The following EYA4 variants were observed in gnomAD, a reference collection of about 807,000 sequenced individuals.
EYA4 encodes the protein protein phosphatase EYA4.
In EYA4, 31 loss-of-function variants were observed where a neutral mutation model predicts 87.9. That is an observed-to-expected ratio of 0.35 (90% confidence interval 0.27 to 0.48). EYA4 has a LOEUF of 0.48. Ranked by LOEUF, EYA4 falls within the 20% of genes least tolerant of loss-of-function variation. The probability of loss-of-function intolerance (pLI) is 0.99; values close to 1 mark genes in which losing one functional copy is unlikely to be tolerated. For missense variants in EYA4, 678 were observed against 761.4 expected (o/e 0.89, Z 1.29); for synonymous variants, 263 against 270.6 (o/e 0.97, Z 0.28).
At chr6:133,471,002 G>A (rs1795287322) in intron 11 of EYA4, among the ~76,000 whole-genome samples, 1 of 84,258 alleles carries the variant, frequency 1.2e-5, no homozygotes, top group African/African-American at 4.5e-5. Flanking sequence ...CTGAGACGAT[G>A]GGGTTCTCTA....
rs9483586 is a variant in EYA4, at chr6:133,530,239, A to G, written c.*1434A>G. ...ATACATCAATGCAGGTTCTCCTCGT[A>G]ACAGACTTGCATATGTTTGTTAGTT... On this transcript the variant is annotated 3_prime_UTR_variant, in exon 20 of 20. Coordinates refer to ENST00000355286, the MANE Select transcript of EYA4 (RefSeq NM_004100.5). 721,098 of 985,096 alleles carry G rather than the reference A, an allele frequency of 0.73. 265,538 individuals carry two copies. Among genetic ancestry groups the G allele is most frequent in the African/African-American group, 0.94 (53,903 of 57,346 alleles). The allele number at this position is 985,096 out of a possible 1,614,324, so 61.0% of individuals were successfully genotyped here. A position where few individuals can be genotyped will look rare whatever the true frequency, so the allele number is the denominator to read the frequency against.
chr6:133,494,362 G>A (rs545078258), intron 13 of EYA4, among the ~76,000 whole-genome samples: 26 of 152,112 alleles, frequency 1.7e-4, no homozygotes, highest in Non-Finnish European at 2.6e-4. Context: ...GCTAAAAAAC[G>A]AACTAATGGT....
At chr6:133,511,711 C>T (rs1799153666) in intron 14 of EYA4, 1 of 152,378 alleles carries the variant, frequency 6.6e-6, no homozygotes, top group Non-Finnish European at 1.5e-5. Context: ...GTGGCTCACA[C>T]CTGTAATCCC....
At chr6:133,346,038 C>G (rs1783167849) in intron 2 of EYA4, among the ~76,000 whole-genome samples, 2 of 152,200 alleles carry the variant, frequency 1.3e-5, no homozygotes, top group South Asian at 2.1e-4. Flanking sequence ...CTTGCTCACT[C>G]CTTTCTCAGT....
chr6:133,249,301 G>T (rs557937258), intron 1 of EYA4, among the ~76,000 whole-genome samples: 1 of 152,122 alleles, frequency 6.6e-6, no homozygotes, highest in Non-Finnish European at 1.5e-5. Context: ...ACACTTGTTC[G>T]TATTAATGTT....
chr6:133,411,926 T>C (rs1357845218), intron 3 of EYA4, among the ~76,000 whole-genome samples: 1 of 152,224 alleles, frequency 6.6e-6, no homozygotes, highest in Non-Finnish European at 1.5e-5. Context: ...CCATCAAGCT[T>C]ATACCATTGA....
chr6:133,296,871 T>G (rs944696466), intron 2 of EYA4, among the ~76,000 whole-genome samples: 49 of 152,306 alleles, frequency 3.2e-4, no homozygotes, highest in African/African-American at 1.2e-3. Flanking sequence ...CTTTATCACT[T>G]GACCTGTAAA....
At chr6:133,516,622 G>T (rs1203434536) in intron 17 of EYA4, among the ~76,000 whole-genome samples, 30 of 151,640 alleles carry the variant, frequency 2.0e-4, no homozygotes, top group Admixed American at 1.7e-3. Context: ...TACTCGGGAG[G>T]CTGAGGCAGG....
intron 19 of EYA4, among the ~76,000 whole-genome samples, chr6:133,528,082 A>C (rs538424981): frequency 6.6e-6 from 1 of 152,230 alleles, no homozygotes; most frequent in Admixed American, 6.5e-5. Context: ...GTCCCTTTGG[A>C]GATATCTTCC....
At chr6:133,257,760 C>T (rs553856013) in intron 1 of EYA4, among the ~76,000 whole-genome samples, 3 of 152,260 alleles carry the variant, frequency 2.0e-5, no homozygotes, top group African/African-American at 7.2e-5. Context: ...TTCTGTTTGC[C>T]TGATTCAATC....
At position 133,266,739 on chromosome 6, in the gene EYA4, A is replaced by T. The variant is rs371089931; in HGVS notation, c.-65-7977A>T. 8.5e-5 allele frequency among the ~76,000 whole-genome samples: 13 copies of T among 152,200 alleles called. No individual in the cohort carries two copies. In the East Asian group the frequency reaches 1.7e-3, roughly 20 times the overall value. ...TAAAACAAAGCAAAAATTAAAATGG[A>T]GTCAGTTATGTACCTGAAAAATGTG... On this transcript the variant is annotated intron_variant, in intron 1 of 19. Coordinates refer to ENST00000355286, the MANE Select transcript of EYA4 (RefSeq NM_004100.5).
At chr6:133,479,511 G>A (rs1796025157) in intron 11 of EYA4, among the ~76,000 whole-genome samples, 1 of 152,104 alleles carries the variant, frequency 6.6e-6, no homozygotes, top group African/African-American at 2.4e-5. Flanking sequence ...AAAAAGTGAT[G>A]CCTAGTTTGT....
intron 3 of EYA4, among the ~76,000 whole-genome samples, chr6:133,385,442 A>G (rs111985518): frequency 1.7e-5 from 2 of 118,606 alleles, no homozygotes; most frequent in East Asian, 4.2e-4. Context: ...TGTGTGTGTG[A>G]GAGAGAGAGA....
At chr6:133,435,780 T>C (rs1156289428) in intron 3 of EYA4, among the ~76,000 whole-genome samples, 1 of 152,216 alleles carries the variant, frequency 6.6e-6, no homozygotes, top group Non-Finnish European at 1.5e-5. Flanking sequence ...GCTTTATTAC[T>C]TTTTTTATTC....
At chr6:133,483,382 A>AT (rs1007369566) in intron 13 of EYA4, among the ~76,000 whole-genome samples, 1 of 152,044 alleles carries the variant, frequency 6.6e-6, no homozygotes, top group African/African-American at 2.4e-5. Context: ...TCACATAATT[A>AT]TTTTAGAAAA....
chr6:133,407,106 G>A (rs184425808), intron 3 of EYA4, among the ~76,000 whole-genome samples: 1 of 152,140 alleles, frequency 6.6e-6, no homozygotes, highest in East Asian at 1.9e-4. Flanking sequence ...AAAACTTTGA[G>A]ATCAAGTTTT....
intron 11 of EYA4, among the ~76,000 whole-genome samples, chr6:133,472,382 G>A (rs1375719245): frequency 1.0e-5 from 1 of 96,266 alleles, no homozygotes; most frequent in Non-Finnish European, 1.9e-5. Flanking sequence ...AGGTTGTTCA[G>A]TTTCCATGTA....
chr6:133,330,533 A>T (rs1781845313), intron 2 of EYA4, among the ~76,000 whole-genome samples: 1 of 144,236 alleles, frequency 6.9e-6, no homozygotes. Context: ...TCAAAACTAC[A>T]ATTTTATACT....
At chr6:133,398,483 T>G (rs754431878) in intron 3 of EYA4, among the ~76,000 whole-genome samples, 16 of 152,184 alleles carry the variant, frequency 1.1e-4, no homozygotes, top group Non-Finnish European at 2.2e-4. Context: ...TCTTCTTATT[T>G]AAAGAGTCTG....
Sources: gnomAD v4.1 joint callset for allele counts (sites outside exome capture counted in the v4.1 genomes callset) on GRCh38, gnomAD v4.1.1 for gene constraint, MANE v1.5 for transcripts, NCBI Gene and HGNC (gene_info 2026-07-23, HGNC 2026-07-21) for gene names.